ALMS1: variants seen among roughly 807,000 people sequenced by gnomAD.
The protein encoded by ALMS1 is centrosome-associated protein ALMS1.
A neutral mutation model predicts 352.2 loss-of-function variants in ALMS1; 271 were observed. The ratio of observed to expected loss-of-function variants is 0.77; its 90% CI spans 0.70 to 0.85. The LOEUF is 0.85. Ranked by LOEUF, ALMS1 falls within the 40% of genes least tolerant of loss-of-function variation. ALMS1 has a pLI of 0.00. For missense variants in ALMS1, 5,445 were observed against 4,870.7 expected (o/e 1.12, Z -3.51); for synonymous variants, 1,865 against 1,761.2 (o/e 1.06, Z -1.48).
At chr2:73,428,877 T>C (rs776196619) in intron 6 of ALMS1, among the ~76,000 whole-genome samples, 9 of 152,332 alleles carry the variant, frequency 5.9e-5, no homozygotes, top group Non-Finnish European at 8.8e-5. Flanking sequence ...CTCATCTGTG[T>C]CACAGAAGAG....
intron 11 of ALMS1, among the ~76,000 whole-genome samples, chr2:73,528,908 T>TCAGGTGTA (rs1376318114): frequency 1.3e-5 from 2 of 152,118 alleles, no homozygotes; most frequent in African/African-American, 4.8e-5. Context: ...CTTTAGTGTG[T>TCAGGTGTA]CAGGTGTATT....
intron 7 of ALMS1, among the ~76,000 whole-genome samples, chr2:73,438,769 T>C (rs562434752): frequency 6.6e-6 from 1 of 152,320 alleles, no homozygotes; most frequent in East Asian, 1.9e-4. Flanking sequence ...TTTAAATTCT[T>C]ACTCTGATTT....
chr2:73,480,575 C>G (rs1672677824), intron 9 of ALMS1, among the ~76,000 whole-genome samples: 1 of 151,634 alleles, frequency 6.6e-6, no homozygotes, highest in Non-Finnish European at 1.5e-5. Context: ...ATTTATAGTC[C>G]TTTGGGTATA....
At chr2:73,454,237 A>G (rs1553404536) in intron 8 of ALMS1, 170 bp downstream of exon 8, 4 of 923,144 alleles carry the variant, frequency 4.3e-6, no homozygotes, top group Non-Finnish European at 3.9e-6. Flanking sequence ...AATTGTTAGA[A>G]TGACTATATT....
At chr2:73,594,599 T>A (rs1453789394) in intron 16 of ALMS1, among the ~76,000 whole-genome samples, 1 of 152,190 alleles carries the variant, frequency 6.6e-6, no homozygotes, top group Non-Finnish European at 1.5e-5. Flanking sequence ...CTCTAATAGC[T>A]CCACCTCTCA....
At chr2:73,400,328 GTTAAAT>G (rs1283162113) in intron 1 of ALMS1, among the ~76,000 whole-genome samples, 1 of 152,152 alleles carries the variant, frequency 6.6e-6, no homozygotes. Flanking sequence ...TTTGTACATT[GTTAAAT>G]TTGATTTGCT....
At chr2:73,546,840 G>C (rs547817086) in intron 12 of ALMS1, among the ~76,000 whole-genome samples, 1 of 152,276 alleles carries the variant, frequency 6.6e-6, no homozygotes, top group Non-Finnish European at 1.5e-5. Flanking sequence ...TTAAAGATCT[G>C]ATTGGTTTTT....
Position 73,550,837 on chromosome 2 carries a change from A to AT in ALMS1, c.10078+412dup, listed in dbSNP as rs775025061. Among the ~76,000 whole-genome samples the AT allele has an allele frequency of 5.9e-4, 86 of 146,694 alleles. 1 individual carries two copies. The highest frequency in any genetic ancestry group is 1.5e-3 in the South Asian group (7 of 4,608). On this transcript the variant is annotated intron_variant, in intron 13 of 22. Transcript: ENST00000613296. ...TGTAGGGAGATATGTAGCTGACATG[A>AT]TTTTTTTTTTTTAATTTTTTTAAAG...
intron 16 of ALMS1, among the ~76,000 whole-genome samples, chr2:73,575,511 C>A (rs1249936862): frequency 3.9e-5 from 6 of 152,174 alleles, no homozygotes; most frequent in Admixed American, 1.3e-4. Context: ...TATAAACTAA[C>A]CATCCTGTTG....
At chr2:73,444,678 A>G (rs934091811) in intron 7 of ALMS1, among the ~76,000 whole-genome samples, 1 of 152,212 alleles carries the variant, frequency 6.6e-6, no homozygotes, top group Non-Finnish European at 1.5e-5. Context: ...TTTAAATGGC[A>G]TACATTTATC....
intron 9 of ALMS1, among the ~76,000 whole-genome samples, chr2:73,487,842 G>GT (rs1251975778): frequency 4.6e-5 from 7 of 152,142 alleles, no homozygotes; most frequent in African/African-American, 1.7e-4. Flanking sequence ...AGAACCTAGA[G>GT]TGGGTAGCTC....
chr2:73,558,326 T>C (rs577942246), intron 14 of ALMS1, among the ~76,000 whole-genome samples: 2 of 152,324 alleles, frequency 1.3e-5, no homozygotes, highest in African/African-American at 2.4e-5. Flanking sequence ...ATTGCTTGTT[T>C]AAAAAGGTTA....
intron 10 of ALMS1, among the ~76,000 whole-genome samples, chr2:73,501,241 A>G (rs1400515613): frequency 6.6e-6 from 1 of 151,984 alleles, no homozygotes; most frequent in East Asian, 1.9e-4. Flanking sequence ...TGTATTGTGA[A>G]TATTTTCTCA....
rs1485864480 is a variant in ALMS1 at position 73,408,702 on chromosome 2, G to A, written c.405G>A (p.Val135=). The A allele has an allele frequency of 6.2e-7, 1 of 1,613,108 alleles. No individual in the cohort carries two copies. Among genetic ancestry groups the A allele is most frequent in the Non-Finnish European group, 8.5e-7 (1 of 1,179,726 alleles). ...NSRTQISDTN[V]VCLETTAQRG... ...GAACACAAATTTCTGATACTAATGT[G>A]GTCTGTTTGGAAACAACAGCTCAGC... Residue 135 remains valine (V), a synonymous_variant, in exon 2 of 23, where the codon GTG becomes GTA. Coordinates refer to ENST00000613296, the MANE Select transcript of ALMS1 (RefSeq NM_001378454.1).
At chr2:73,410,257 T>C (rs1671050137) in intron 2 of ALMS1, among the ~76,000 whole-genome samples, 2 of 152,036 alleles carry the variant, frequency 1.3e-5, no homozygotes, top group Non-Finnish European at 2.9e-5. Flanking sequence ...GGCGTGGTGG[T>C]GCACACCTGT....
In ALMS1 at chr2:73,490,689, T is replaced by G; in HGVS notation, c.8730T>G (p.His2910Gln). The change falls in exon 10 of 23, where the codon CAT becomes CAG. Residue 2910 changes from histidine (H) to glutamine (Q), a missense_variant. Coordinates refer to ENST00000613296, the MANE Select transcript of ALMS1 (RefSeq NM_001378454.1). ...VRKHHSPSPQ[H>Q]QDYVAPDLPS... ...AACACCATTCTCCCTCTCCTCAACA[T>G]CAGGATTATGTAGCTCCAGACCTTC... 6.2e-7 allele frequency: 1 copy of G among 1,614,044 alleles called. No homozygotes were observed. Among genetic ancestry groups the G allele is most frequent in the Non-Finnish European group, 8.5e-7 (1 of 1,179,974 alleles).
intron 7 of ALMS1, among the ~76,000 whole-genome samples, chr2:73,443,106 C>T (rs1177552326): frequency 1.3e-5 from 2 of 152,180 alleles, no homozygotes; most frequent in African/African-American, 2.4e-5. Flanking sequence ...TGATCATCTT[C>T]TCTGCCACTT....
At position 73,490,055 on chromosome 2, in the gene ALMS1, C is replaced by T. The variant is rs769405720; in HGVS notation, c.8096C>T (p.Ser2699Leu). ...VPPKEVDFHS[S>L]SQMPSPEPMK... is the part of the protein sequence containing the mutation. ...CCTAAAGAAGTGGATTTTCATTCTT[C>T]ATCACAAATGCCGTCCCCAGAACCC... Residue 2699 changes from serine to leucine, a missense_variant, in exon 10 of 23, where the codon TCA becomes TTA. Coordinates refer to ENST00000613296, the MANE Select transcript of ALMS1 (RefSeq NM_001378454.1). 13 of 1,614,078 alleles carry T rather than the reference C, an allele frequency of 8.1e-6. No individual in the cohort carries two copies. In the Admixed American group the frequency reaches 2.0e-4, roughly 25 times the overall value.
intron 1 of ALMS1, among the ~76,000 whole-genome samples, chr2:73,400,704 A>C (rs547998334): frequency 6.6e-6 from 1 of 152,280 alleles, no homozygotes; most frequent in South Asian, 2.1e-4. Context: ...TATCTAGGCT[A>C]TCAAATTTGT....
Sources: allele counts gnomAD v4.1 joint callset (sites outside exome capture counted in the v4.1 genomes callset), GRCh38; gene constraint gnomAD v4.1.1; transcripts MANE v1.5; gene names NCBI Gene and HGNC (gene_info 2026-07-23, HGNC 2026-07-21).